PTCHD4: variants seen among roughly 807,000 people sequenced by gnomAD.
The protein encoded by PTCHD4 is patched domain-containing protein 4.
In PTCHD4, 33 loss-of-function variants were observed where a neutral mutation model predicts 58.1. The observed-to-expected ratio is 0.57, with a 90% CI of 0.43 to 0.76. The LOEUF (loss-of-function observed/expected upper bound fraction) is 0.76, where lower values mean the gene tolerates loss of function less well. Among genes scored for constraint, PTCHD4 ranks in the 30% least tolerant of loss-of-function variants. The pLI, the probability that PTCHD4 is intolerant of heterozygous loss-of-function variation, is 0.00. For missense variants in PTCHD4, 1,058 were observed against 1,027.1 expected, an observed-to-expected ratio of 1.03 and a Z score of -0.41; for synonymous variants, 478 against 409.6, an observed-to-expected ratio of 1.17 and a Z score of -2.02.
intron 3 of PTCHD4, among the ~76,000 whole-genome samples, chr6:48,063,784 G>T (rs1050142798): frequency 2.0e-5 from 3 of 152,162 alleles, no homozygotes; most frequent in Non-Finnish European, 4.4e-5. Context: ...TATCAGAGAA[G>T]ATCCTGACAT....
At chr6:48,018,833 G>A (rs1426930704) in intron 3 of PTCHD4, among the ~76,000 whole-genome samples, 2 of 152,180 alleles carry the variant, frequency 1.3e-5, no homozygotes, top group Non-Finnish European at 2.9e-5. Flanking sequence ...CTACATAAGA[G>A]AAGTTGGCCA....
intron 3 of PTCHD4, among the ~76,000 whole-genome samples, chr6:48,047,054 CA>C (rs1406120988): frequency 6.6e-6 from 1 of 151,774 alleles, no homozygotes. Flanking sequence ...TTGCCTGGCC[CA>C]TAGGTCCAAT....
At chr6:47,938,045 C>T (rs769424625) in intron 4 of PTCHD4, among the ~76,000 whole-genome samples, 18 of 152,096 alleles carry the variant, frequency 1.2e-4, no homozygotes, top group East Asian at 1.9e-4. Context: ...CCCAGCTACT[C>T]GGCAGGCTGA....
rs113573886 is a variant in PTCHD4, at chr6:48,004,789, C to T, written c.898+3845G>A. Among the ~76,000 whole-genome samples, 1,231 of 152,164 alleles carry T rather than the reference C, an allele frequency of 8.1e-3. 17 individuals carry two copies. The highest frequency in any genetic ancestry group is 0.028 in the African/African-American group (1,147 of 41,540). ...AAAATTAGCCAGGCGTGGTGGCACA[C>T]GCCTATAGTCCCAGCTACTTGGGAG... is the stretch of plus-strand genomic sequence containing the variant. On this transcript the variant is annotated intron_variant, in intron 4 of 4. Transcript: ENST00000339488.
intron 1 of PTCHD4, among the ~76,000 whole-genome samples, chr6:48,081,988 C>T: frequency 6.6e-6 from 1 of 152,098 alleles, no homozygotes. Flanking sequence ...ACCCAAAGGC[C>T]CTGTTCATTC....
intron 1 of PTCHD4, among the ~76,000 whole-genome samples, chr6:48,078,998 A>C (rs1765112380): frequency 6.6e-6 from 1 of 151,958 alleles, no homozygotes; most frequent in Non-Finnish European, 1.5e-5. Flanking sequence ...GGGCGCCTGT[A>C]GTCCCAGCTA....
chr6:47,909,899 T>C (rs1055213575), intron 4 of PTCHD4, among the ~76,000 whole-genome samples: 3 of 152,186 alleles, frequency 2.0e-5, no homozygotes, highest in Admixed American at 2.0e-4. Flanking sequence ...ATGAGAAATG[T>C]CAGGTTCAGT....
intron 4 of PTCHD4, among the ~76,000 whole-genome samples, chr6:47,907,835 A>T (rs1220463744): frequency 6.6e-6 from 1 of 152,084 alleles, no homozygotes; most frequent in Non-Finnish European, 1.5e-5. Flanking sequence ...AATCCCCTGT[A>T]GCCAGGATGG....
chr6:48,015,013 ATGACTCATACTCGTATAC>A (rs1762818857), intron 3 of PTCHD4, among the ~76,000 whole-genome samples: 1 of 152,160 alleles, frequency 6.6e-6, no homozygotes, highest in Non-Finnish European at 1.5e-5. Flanking sequence ...CTGCCTAGCA[ATGACTCATACTCGTATAC>A]TGATTCAACT....
intron 4 of PTCHD4, among the ~76,000 whole-genome samples, chr6:47,952,517 A>C (rs564488518): frequency 5.3e-5 from 8 of 152,248 alleles, no homozygotes; most frequent in Middle Eastern, 6.8e-3. Flanking sequence ...AACCACACCC[A>C]CATATATACA....
intron 4 of PTCHD4, among the ~76,000 whole-genome samples, chr6:47,892,861 T>C (rs1764421142): frequency 6.6e-6 from 1 of 152,256 alleles, no homozygotes. Flanking sequence ...GCTGGATTTT[T>C]TTCTGAACAG....
At chr6:47,952,820 A>G (rs898489599) in intron 4 of PTCHD4, among the ~76,000 whole-genome samples, 3 of 152,066 alleles carry the variant, frequency 2.0e-5, no homozygotes, top group South Asian at 4.1e-4. Flanking sequence ...TGACAAAATC[A>G]TCTAATGATG....
At chr6:48,013,406 C>A (rs1762756136) in intron 3 of PTCHD4, among the ~76,000 whole-genome samples, 2 of 149,840 alleles carry the variant, frequency 1.3e-5, no homozygotes, top group Non-Finnish European at 3.0e-5. Context: ...ATGTCTCCCA[C>A]TTCCATGTAA....
At chr6:48,000,581 A>G (rs1357151958) in intron 4 of PTCHD4, among the ~76,000 whole-genome samples, 1 of 152,042 alleles carries the variant, frequency 6.6e-6, no homozygotes, top group African/African-American at 2.4e-5. Context: ...CTTTCCACAA[A>G]CCAACACCTC....
chr6:48,095,732 CAA>C (rs112185985), intron 1 of PTCHD4, among the ~76,000 whole-genome samples: 50 of 124,936 alleles, frequency 4.0e-4, no homozygotes, highest in South Asian at 5.1e-4. Context: ...CAAAAGGAAC[CAA>C]AAAAAAAAAA....
At chr6:48,001,761 G>A (rs1339802663) in intron 4 of PTCHD4, among the ~76,000 whole-genome samples, 2 of 152,284 alleles carry the variant, frequency 1.3e-5, no homozygotes, top group East Asian at 3.9e-4. Context: ...TGACAAATGG[G>A]ATCTAATTAA....
At chr6:47,902,632 CA>C (rs917963022) in intron 4 of PTCHD4, among the ~76,000 whole-genome samples, 2 of 152,138 alleles carry the variant, frequency 1.3e-5, no homozygotes, top group African/African-American at 4.8e-5. Flanking sequence ...TCAAACAAAG[CA>C]ACCAATTTTA....
rs775927599 is a variant in PTCHD4 at position 48,009,032 on chromosome 6, G to T, written c.500C>A (p.Ala167Asp). Residue 167 changes from alanine (A) to aspartate (D), a missense_variant, in exon 4 of 5, where the codon GCC (alanine) becomes GAC (aspartate). Transcript: ENST00000339488. ...GTAGTAGGTGATTTGAATGGCTCTG[G>T]CTGACTTGACCCGCTGATCTTTGCT... The part of the protein sequence containing the change: ...PNSKDQRVKS[A>D]RAIQITYYLQ... The T allele has an allele frequency of 6.2e-7, 1 of 1,613,890 alleles. No individual in the cohort carries two copies. The highest frequency in any genetic ancestry group is 2.2e-5 in the East Asian group (1 of 44,866).
intron 4 of PTCHD4, among the ~76,000 whole-genome samples, chr6:47,941,353 T>C (rs1207515400): frequency 6.6e-6 from 1 of 152,184 alleles, no homozygotes; most frequent in Admixed American, 6.5e-5. Flanking sequence ...CTCCTGACTT[T>C]CTGAAAGCCT....
Sources: allele counts gnomAD v4.1 joint callset (sites outside exome capture counted in the v4.1 genomes callset), GRCh38; gene constraint gnomAD v4.1.1; transcripts MANE v1.5; gene names NCBI Gene and HGNC (gene_info 2026-07-23, HGNC 2026-07-21).